Variants in KLHL1 observed in about 807,000 individuals in gnomAD.
KLHL1 encodes the protein kelch-like protein 1.
A neutral mutation model predicts 77.7 loss-of-function variants in KLHL1; 47 were observed. That is an observed-to-expected ratio of 0.60 (90% CI 0.48 to 0.77). KLHL1 has a LOEUF of 0.77. Ranked by LOEUF, KLHL1 falls within the 30% of genes least tolerant of loss-of-function variation. The pLI is 0.00. For synonymous variants in KLHL1, 360 were observed against 325.2 expected (o/e 1.11, Z -1.15); for missense variants, 925 against 910.8 (o/e 1.02, Z -0.20).
chr13:69,874,357 A>G (rs868709534), intron 5 of KLHL1, among the ~76,000 whole-genome samples: 2 of 152,054 alleles, frequency 1.3e-5, no homozygotes, highest in African/African-American at 4.8e-5. Flanking sequence ...TTATGTCTAT[A>G]TGCTATCAAT....
chr13:69,984,089 G>T (rs747435958), intron 1 of KLHL1, among the ~76,000 whole-genome samples: 6 of 152,090 alleles, frequency 3.9e-5, no homozygotes, highest in Non-Finnish European at 8.8e-5. Flanking sequence ...CATGACATTG[G>T]TCTGGGCAAG....
At chr13:69,900,407 A>C (rs932285001) in intron 4 of KLHL1, among the ~76,000 whole-genome samples, 59 of 152,186 alleles carry the variant, frequency 3.9e-4, no homozygotes, top group African/African-American at 1.4e-3. Context: ...AACAGCTGAC[A>C]TTTGGTTATA....
intron 5 of KLHL1, among the ~76,000 whole-genome samples, chr13:69,874,414 T>C (rs1566352046): frequency 6.6e-6 from 1 of 152,190 alleles, no homozygotes; most frequent in African/African-American, 2.4e-5. Flanking sequence ...TCCTGAATGA[T>C]GCATTCGACT....
At chr13:69,907,451 A>G (rs913564495) in intron 4 of KLHL1, among the ~76,000 whole-genome samples, 3 of 152,018 alleles carry the variant, frequency 2.0e-5, no homozygotes, top group Non-Finnish European at 2.9e-5. Flanking sequence ...GAATTTATAT[A>G]TTACTTATAA....
rs192081757 is a variant in KLHL1, at chr13:69,971,173, G to A, written c.680+4447C>T. On this transcript the variant is annotated intron_variant, in intron 2 of 10. Coordinates refer to ENST00000377844, the MANE Select transcript of KLHL1 (RefSeq NM_020866.3). ...CATTTTAAATTTTTTCCATGCCTCC[G>A]TTTTCTATATTATAGAGAAAAGTGA... 2.7e-3 allele frequency among the ~76,000 whole-genome samples: 404 copies of A among 151,958 alleles called. 2 individuals carry two copies. Among genetic ancestry groups the A allele is most frequent in the South Asian group, 0.013 (65 of 4,822 alleles).
At chr13:69,810,778 A>G (rs998736664) in intron 6 of KLHL1, among the ~76,000 whole-genome samples, 3 of 152,122 alleles carry the variant, frequency 2.0e-5, no homozygotes, top group African/African-American at 7.2e-5. Flanking sequence ...ACACAGTCAG[A>G]AATGACAAAG....
chr13:69,805,790 T>C (rs1877592723), intron 6 of KLHL1, among the ~76,000 whole-genome samples: 2 of 151,236 alleles, frequency 1.3e-5, no homozygotes, highest in African/African-American at 4.8e-5. Flanking sequence ...CTGAATGATA[T>C]TACTTATTTC....
chr13:69,895,070 C>A, intron 4 of KLHL1: 1 of 484,412 alleles, frequency 2.1e-6, no homozygotes. Context: ...TTCAGATCAC[C>A]CACTTCGGAT....
chr13:69,937,984 G>A (rs928762967), intron 4 of KLHL1, among the ~76,000 whole-genome samples: 29 of 151,912 alleles, frequency 1.9e-4, no homozygotes, highest in African/African-American at 5.8e-4. Flanking sequence ...TCTATCCCAC[G>A]TGTAGTAGAA....
chr13:69,917,928 CTGTCTACATA>C (rs1882501706), intron 4 of KLHL1, among the ~76,000 whole-genome samples: 1 of 152,074 alleles, frequency 6.6e-6, no homozygotes, highest in Admixed American at 6.6e-5. Context: ...AGGTACTTTA[CTGTCTACATA>C]TGTCTACATA....
rs143675520 is a variant in KLHL1, at chr13:69,901,900, C to T, written c.1015-19405G>A. Among the ~76,000 whole-genome samples the T allele has an allele frequency of 1.1e-3, 158 of 150,394 alleles. No individual in the cohort carries two copies. In the East Asian group the frequency reaches 0.012, roughly 12 times the overall value. ...GCAACCTCTGCCTCACGGGTTCAAG[C>T]GATTCTCCTGCCTCAGCCTTCCGAG... On this transcript the variant is annotated intron_variant, in intron 4 of 10. Transcript: ENST00000377844.
intron 6 of KLHL1, among the ~76,000 whole-genome samples, chr13:69,815,294 G>C (rs141776888): frequency 4.6e-4 from 70 of 152,260 alleles, no homozygotes; most frequent in African/African-American, 1.6e-3. Context: ...CAAAGACATG[G>C]AATCAACCCA....
intron 1 of KLHL1, among the ~76,000 whole-genome samples, chr13:70,014,949 T>C (rs569378625): frequency 6.6e-6 from 1 of 151,996 alleles, no homozygotes; most frequent in Non-Finnish European, 1.5e-5. Flanking sequence ...ATACATAACA[T>C]GTGGTTTATT....
Position 70,007,209 on chromosome 13 carries a change from C to T in KLHL1, c.498-31407G>A, listed in dbSNP as rs369980651. ...AGTTTATTTGGAATGTGTCGTATTG[C>T]AATAAATCAAATGTGTATTTTTATT... On this transcript the variant is annotated intron_variant, in intron 1 of 10. Coordinates refer to ENST00000377844, the MANE Select transcript of KLHL1 (RefSeq NM_020866.3). Among the ~76,000 whole-genome samples, 203 of 152,052 alleles carry T rather than the reference C, an allele frequency of 1.3e-3. 4 individuals carry two copies. The South Asian group carries it at 0.04, about 30-fold the overall frequency.
At chr13:70,041,096 T>A (rs1370618531) in intron 1 of KLHL1, among the ~76,000 whole-genome samples, 1 of 152,202 alleles carries the variant, frequency 6.6e-6, no homozygotes, top group Non-Finnish European at 1.5e-5. Flanking sequence ...CTTTGGTTCT[T>A]CATTGTCTCT....
intron 1 of KLHL1, among the ~76,000 whole-genome samples, chr13:70,010,677 G>A (rs1288516240): frequency 6.6e-6 from 1 of 151,912 alleles, no homozygotes; most frequent in African/African-American, 2.4e-5. Context: ...GATCACCTGA[G>A]GTCAGGAGTT....
chr13:69,927,576 CAATT>C (rs1161855237), intron 4 of KLHL1, among the ~76,000 whole-genome samples: 3 of 151,980 alleles, frequency 2.0e-5, no homozygotes, highest in Non-Finnish European at 4.4e-5. Context: ...TTTCAAAACT[CAATT>C]AAAAATGGTC....
intron 6 of KLHL1, among the ~76,000 whole-genome samples, chr13:69,816,694 G>T (rs1354691349): frequency 6.6e-6 from 1 of 152,086 alleles, no homozygotes; most frequent in African/African-American, 2.4e-5. Context: ...ACAACAAAGA[G>T]ACTTTTAAAA....
chr13:69,708,136 A>G (rs1210018764), intron 9 of KLHL1, among the ~76,000 whole-genome samples: 2 of 151,992 alleles, frequency 1.3e-5, no homozygotes, highest in South Asian at 2.1e-4. Context: ...GCAGACTCCT[A>G]TGGTAATGAA....
Sources: gnomAD v4.1 joint callset for allele counts (sites outside exome capture counted in the v4.1 genomes callset) on GRCh38, gnomAD v4.1.1 for gene constraint, MANE v1.5 for transcripts, NCBI Gene and HGNC (gene_info 2026-07-23, HGNC 2026-07-21) for gene names.